KMT2C: variants seen among roughly 807,000 people sequenced by gnomAD.
KMT2C encodes the protein histone-lysine N-methyltransferase 2C.
Under a neutral mutation model 507.9 loss-of-function variants are expected in KMT2C, and 88 were observed. That is an observed-to-expected ratio of 0.17 (90% CI 0.15 to 0.21). The LOEUF (loss-of-function observed/expected upper bound fraction) is 0.21, where lower values mean the gene tolerates loss of function less well. Among genes scored for constraint, KMT2C ranks in the 10% least tolerant of loss-of-function variants. KMT2C has a pLI of 1.00. For missense variants in KMT2C, 4,954 were observed against 5,957.8 expected (o/e 0.83, Z 5.55); for synonymous variants, 2,049 against 2,080.8 (o/e 0.98, Z 0.42).
chr7:152,194,944 AT>A (rs2093920174), intron 28 of KMT2C, among the ~76,000 whole-genome samples: 1 of 152,160 alleles, frequency 6.6e-6, no homozygotes. Context: ...GTACAGTTCA[AT>A]TATTATGCAC....
chr7:152,231,252 C>CT (rs2095099981), intron 16 of KMT2C, among the ~76,000 whole-genome samples: 1 of 152,060 alleles, frequency 6.6e-6, no homozygotes, highest in Non-Finnish European at 1.5e-5. Flanking sequence ...ACTAAATCAA[C>CT]TAAGTACCCA....
At chr7:152,218,691 T>C (rs1190334855) in intron 23 of KMT2C, among the ~76,000 whole-genome samples, 3 of 152,092 alleles carry the variant, frequency 2.0e-5, no homozygotes, top group Non-Finnish European at 4.4e-5. Context: ...CATCACCTTA[T>C]GGTTGTGTGA....
chr7:152,337,873 TA>T (rs200400109), intron 2 of KMT2C, among the ~76,000 whole-genome samples: 1,695 of 150,816 alleles, frequency 0.011, 38 homozygotes, highest in African/African-American at 0.04. Context: ...TTTTTTTTTT[TA>T]AAGACAGAGT....
chr7:152,216,906 T>G (rs536779596), intron 23 of KMT2C, among the ~76,000 whole-genome samples: 2 of 152,364 alleles, frequency 1.3e-5, no homozygotes, highest in African/African-American at 4.8e-5. Flanking sequence ...GAGCACTCCA[T>G]GTGTGGGAAG....
intron 3 of KMT2C, among the ~76,000 whole-genome samples, chr7:152,327,770 AAC>A: frequency 1.3e-5 from 2 of 152,012 alleles, no homozygotes; most frequent in South Asian, 2.1e-4. Context: ...CATCCTGGCT[AAC>A]ACATTGAAAC....
Position 152,315,160 on chromosome 7 carries a change from G to T in KMT2C, c.568C>A (p.Arg190=), listed in dbSNP as rs2129202478. ...TACTTTCTCTGTCCTCTTTGTTTTC[G>T]TGGTGCTGAGTTTTGCATTTTCTCA... ...TYEKMQNSAP[R]KQRGQRKERS... is the part of the protein sequence containing the mutation. Residue 190 remains arginine (R), a synonymous_variant, in exon 4 of 59, where the codon CGA becomes AGA. Coordinates refer to ENST00000262189, the MANE Select transcript of KMT2C (RefSeq NM_170606.3). 1 of 1,613,850 alleles carries T rather than the reference G, an allele frequency of 6.2e-7. No homozygotes were observed.
intron 1 of KMT2C, among the ~76,000 whole-genome samples, chr7:152,389,312 C>G (rs1168724196): frequency 7.4e-6 from 1 of 134,528 alleles, no homozygotes; most frequent in Admixed American, 8.3e-5. Flanking sequence ...CTGCAGTGAG[C>G]AGAGATCGTG....
At position 152,330,684 on chromosome 7, in the gene KMT2C, T is replaced by C. The variant is rs764226604; in HGVS notation, c.306A>G (p.Lys102=). Residue 102 remains lysine, a synonymous_variant, in exon 3 of 59, where the codon AAA becomes AAG. Transcript: ENST00000262189. ...EDAEAEVDNS[K]QLIPTLQRSV... is the part of the protein sequence containing the mutation. ...ATCGCTGAAGAGTTGGAATTAGCTGTTTGCTGTTATCCACTTCTGCTTCAG... is the reference window on the plus strand; with the variant it reads ...ATCGCTGAAGAGTTGGAATTAGCTGCTTGCTGTTATCCACTTCTGCTTCAG... 6.8e-6 allele frequency: 11 copies of C among 1,613,982 alleles called. No individual in the cohort carries two copies. The South Asian group carries it at 7.7e-5, about 11-fold the overall frequency.
At chr7:152,389,862 G>C (rs912146896) in intron 1 of KMT2C, among the ~76,000 whole-genome samples, 1 of 152,148 alleles carries the variant, frequency 6.6e-6, no homozygotes, top group Admixed American at 6.5e-5. Flanking sequence ...AAAATATACA[G>C]CCATAAAAAA....
At chr7:152,142,652 TTTG>T (rs1346530814) in intron 55 of KMT2C, among the ~76,000 whole-genome samples, 8 of 152,184 alleles carry the variant, frequency 5.3e-5, no homozygotes, top group Non-Finnish European at 1.0e-4. Flanking sequence ...AGCAACACTG[TTTG>T]TTATGAGAAA....
At chr7:152,393,830 T>C (rs2116566766) in intron 1 of KMT2C, among the ~76,000 whole-genome samples, 1 of 142,920 alleles carries the variant, frequency 7.0e-6, no homozygotes, top group South Asian at 2.2e-4. Flanking sequence ...AGGCAGAGGA[T>C]GCAGTGCAGT....
intron 2 of KMT2C, among the ~76,000 whole-genome samples, chr7:152,354,113 G>A (rs1378502155): frequency 6.6e-6 from 1 of 152,084 alleles, no homozygotes; most frequent in Non-Finnish European, 1.5e-5. Context: ...TATACACTTG[G>A]CTTTATTAAC....
intron 6 of KMT2C, among the ~76,000 whole-genome samples, chr7:152,277,677 T>C (rs1344683814): frequency 6.6e-6 from 1 of 152,102 alleles, no homozygotes; most frequent in Non-Finnish European, 1.5e-5. Context: ...AGGAAAATTC[T>C]TGGAGCCACA....
At chr7:152,323,725 CGAAGGGAGA>C (rs1183099865) in intron 3 of KMT2C, among the ~76,000 whole-genome samples, 1 of 124,090 alleles carries the variant, frequency 8.1e-6, no homozygotes, top group Non-Finnish European at 1.6e-5. Flanking sequence ...GAGGGAGGGA[CGAAGGGAGA>C]GAAGGAAGGA....
chr7:152,263,453 A>G (rs1563640934), intron 8 of KMT2C, among the ~76,000 whole-genome samples: 1 of 152,218 alleles, frequency 6.6e-6, no homozygotes, highest in Non-Finnish European at 1.5e-5. Flanking sequence ...TATAACTGAT[A>G]GGTGCTACTG....
chr7:152,235,242 T>C (rs1007440234), intron 16 of KMT2C, among the ~76,000 whole-genome samples: 4 of 151,280 alleles, frequency 2.6e-5, no homozygotes, highest in African/African-American at 7.4e-5. Flanking sequence ...TATGGAATTG[T>C]ACATGTCAAA....
At position 152,176,589 on chromosome 7, in the gene KMT2C, G is replaced by A. The variant is rs1243872323; in HGVS notation, c.8864C>T (p.Pro2955Leu). Residue 2955 changes from proline (P) to leucine (L), a missense_variant, in exon 38 of 59, where the codon CCT (proline) becomes CTT (leucine). Pro to Leu is a moderately conservative substitution (Grantham distance 98). Around this residue, in one of 29 missense-constraint regions of KMT2C, gnomAD observed 1,689 missense variants for 1,654.3 expected, o/e 1.02. Coordinates refer to ENST00000262189, the MANE Select transcript of KMT2C (RefSeq NM_170606.3). ...ACGGCCAGGCGGTGCTATGAAAGGA[G>A]GCAAACTTGACACATGATTGGATGG... ...ASPSNHVSSL[P>L]PFIAPPGRVL... The A allele has an allele frequency of 1.9e-6, 3 of 1,614,026 alleles. No homozygotes were observed. In the African/African-American group the frequency reaches 4.0e-5, roughly 22 times the overall value.
intron 24 of KMT2C, among the ~76,000 whole-genome samples, chr7:152,206,644 C>T (rs539880036): frequency 3.0e-4 from 45 of 152,238 alleles, no homozygotes; most frequent in Non-Finnish European, 5.9e-4. Context: ...CTACTCAACA[C>T]GTGTGATAAG....
At chr7:152,194,603 T>C (rs1191741248) in intron 28 of KMT2C, 35 bp from the exon 29 acceptor site, 3 of 1,569,626 alleles carry the variant, frequency 1.9e-6, no homozygotes, top group Non-Finnish European at 2.6e-6. Flanking sequence ...TAAAGGTACA[T>C]TCAGAATACT....
Sources: gnomAD v4.1 joint callset for allele counts (sites outside exome capture counted in the v4.1 genomes callset) on GRCh38, gnomAD v4.1.1 for gene constraint, gnomAD v4.1.1 regional missense constraint, MANE v1.5 for transcripts, NCBI Gene and HGNC (gene_info 2026-07-23, HGNC 2026-07-21) for gene names.